The following RNF139 variants were observed in gnomAD, a reference collection of about 807,000 sequenced individuals.
RNF139 encodes the protein ring finger protein 139, also known as E3 ubiquitin-protein ligase RNF139.
A neutral mutation model predicts 49.5 loss-of-function variants in RNF139; 15 were observed. The ratio of observed to expected loss-of-function variants is 0.30; its 90% CI spans 0.20 to 0.47. RNF139 has a LOEUF of 0.47. RNF139 is among the 20% of genes least tolerant of loss of function. RNF139 has a pLI of 1.00. For synonymous variants in RNF139, 325 were observed against 300.9 expected, an observed-to-expected ratio of 1.08 and a Z score of -0.83; for missense variants, 619 against 806.3, an observed-to-expected ratio of 0.77 and a Z score of 2.81.
At chr8:124,479,567 C>T (rs754335237) in intron 1 of RNF139, among the ~76,000 whole-genome samples, 3 of 152,096 alleles carry the variant, frequency 2.0e-5, no homozygotes, top group East Asian at 1.9e-4. Context: ...TCTTTGTTTG[C>T]GGATGGGAGC....
At chr8:124,477,395 GC>G (rs1816331468) in intron 1 of RNF139, among the ~76,000 whole-genome samples, 1 of 152,156 alleles carries the variant, frequency 6.6e-6, no homozygotes, top group African/African-American at 2.4e-5. Context: ...TAATCGTTCT[GC>G]CTTGTTAGTT....
At chr8:124,477,117 A>G (rs962417003) in intron 1 of RNF139, among the ~76,000 whole-genome samples, 15 of 152,170 alleles carry the variant, frequency 9.9e-5, no homozygotes, top group African/African-American at 3.6e-4. Context: ...ATATTTTGTT[A>G]GATATTTTGG....
Position 124,487,493 on chromosome 8 carries a change from A to G in RNF139, c.1844A>G (p.Glu615Gly). Reference protein sequence around the residue: ...NGFIPPNETPEEAVREAAAES... With the variant: ...NGFIPPNETPGEAVREAAAES... The stretch of plus-strand genomic sequence containing the variant: ...TTTATTCCACCCAATGAAACTCCAG[A>G]GGAAGCTGTAAGAGAAGCTGCTGCT... The change falls in exon 2 of 2, where the codon GAG (glutamate) becomes GGG (glycine). Residue 615 changes from glutamate (E) to glycine (G), a missense_variant. By Grantham distance (98) the Glu-to-Gly change is moderately conservative. Coordinates refer to ENST00000303545, the MANE Select transcript of RNF139 (RefSeq NM_007218.4). 1 of 1,614,152 alleles carries G rather than the reference A, an allele frequency of 6.2e-7. No homozygotes were observed.
In RNF139 at chr8:124,486,556, C is replaced by T. The variant is rs1222453990; in HGVS notation, c.907C>T (p.His303Tyr). The T allele has an allele frequency of 3.1e-6, 5 of 1,613,998 alleles. No individual in the cohort carries two copies. Among genetic ancestry groups the T allele is most frequent in the Admixed American group, 1.7e-5 (1 of 60,000 alleles). The change falls in exon 2 of 2, where the codon CAT becomes TAT. Residue 303 changes from histidine to tyrosine, a missense_variant. Physicochemically the swap from His to Tyr is moderately conservative, Grantham distance 83. Coordinates refer to ENST00000303545, the MANE Select transcript of RNF139 (RefSeq NM_007218.4). ...GMSAVISSVA[H>Y]YLGLGILAFI... ...GAGTGCTGTAATTTCCTCAGTAGCC[C>T]ATTATTTGGGGCTTGGAATATTGGC...
Position 124,486,426 on chromosome 8 carries a change from G to A in RNF139, c.777G>A (p.Met259Ile). ...CAGTGTTAATGTACATCTTAAGGATGGCAAATGAAACTGATTCCTTCTTTA... is the reference window on the plus strand; with the variant it reads ...CAGTGTTAATGTACATCTTAAGGATAGCAAATGAAACTGATTCCTTCTTTA... The part of the protein sequence containing the change: ...QATVLMYILR[M>I]ANETDSFFIS... Residue 259 changes from methionine (M) to isoleucine (I), a missense_variant, in exon 2 of 2, where the codon ATG becomes ATA. Physicochemically the swap from Met to Ile is conservative, Grantham distance 10. Around this residue, in one of 2 missense-constraint regions of RNF139, gnomAD observed 530 missense variants for 728.9 expected, o/e 0.73. Transcript: ENST00000303545. 6.2e-7 allele frequency: 1 copy of A among 1,614,146 alleles called. No individual in the cohort carries two copies. Among genetic ancestry groups the A allele is most frequent in the South Asian group, 1.1e-5 (1 of 91,086 alleles).
At position 124,474,935 on chromosome 8, in the gene RNF139, G is replaced by A; in HGVS notation, c.-175G>A. ...CCTCTCGGCCATCGCTGCCTCCGCC[G>A]CCTGCTCCACCTCGAGGGACGCGAG... On this transcript the variant is annotated 5_prime_UTR_variant, in exon 1 of 2. Coordinates refer to ENST00000303545, the MANE Select transcript of RNF139 (RefSeq NM_007218.4). This position sits in a 1 kb window ranked among gnomAD's most constrained non-coding sequence, Gnocchi z 4.6. The A allele has an allele frequency of 2.7e-6, 1 of 368,534 alleles. No homozygotes were observed. The highest frequency in any genetic ancestry group is 4.6e-6 in the Non-Finnish European group (1 of 216,706). The allele number at this position is 368,534 out of a possible 1,614,324, so 22.8% of individuals were successfully genotyped here.
At chr8:124,481,910 GA>G in intron 1 of RNF139, among the ~76,000 whole-genome samples, 5 of 152,098 alleles carry the variant, frequency 3.3e-5, no homozygotes, top group Non-Finnish European at 7.4e-5. Context: ...TGTTACTTAG[GA>G]TATTGGTTTT....
At chr8:124,484,223 TGA>T in intron 1 of RNF139, among the ~76,000 whole-genome samples, 1 of 152,256 alleles carries the variant, frequency 6.6e-6, no homozygotes, top group East Asian at 1.9e-4. Flanking sequence ...TCTGGAGCAC[TGA>T]TGTGTGTGTG....
In RNF139 at chr8:124,475,033, CCGCCCCCGGCCG is replaced by C. The variant is rs1269375470; in HGVS notation, c.-74_-63del. ...GGGGCGGAGTTGCCCGCCTTAGCCC[CCGCCCCCGGCCG>C]CGGCCCCGGGCCCTGCCCCGCGCGG... On this transcript the variant is annotated 5_prime_UTR_variant, in exon 1 of 2. Coordinates refer to ENST00000303545, the MANE Select transcript of RNF139 (RefSeq NM_007218.4). 4 of 1,054,948 alleles carry C rather than the reference CCGCCCCCGGCCG, an allele frequency of 3.8e-6. No homozygotes were observed. The East Asian group carries it at 1.4e-4, about 38-fold the overall frequency. The allele number at this position is 1,054,948 out of a possible 1,614,324, so 65.3% of individuals were successfully genotyped here. A position where few individuals can be genotyped will look rare whatever the true frequency, so the allele number is the denominator to read the frequency against.
At chr8:124,484,311 A>G (rs1293229315) in intron 1 of RNF139, among the ~76,000 whole-genome samples, 2 of 152,204 alleles carry the variant, frequency 1.3e-5, no homozygotes, top group Non-Finnish European at 2.9e-5. Flanking sequence ...AGTTGATAGT[A>G]ATTTCAGAGC....
At chr8:124,485,461 T>C (rs1033825574) in intron 1 of RNF139, among the ~76,000 whole-genome samples, 1 of 152,252 alleles carries the variant, frequency 6.6e-6, no homozygotes, top group Non-Finnish European at 1.5e-5. Context: ...TTTTAATGAT[T>C]ATGAAATGAT....
rs1200918297 is a variant in RNF139, at chr8:124,475,119, G to T, written c.10G>T (p.Val4Leu). The change falls in exon 1 of 2, where the codon GTG becomes TTG. Residue 4 changes from valine to leucine, a missense_variant. This residue lies in a region of RNF139 where 89 missense variants were observed against 77.5 expected (regional missense o/e 1.15). Transcript: ENST00000303545. ...GGTGTGGCAGCGGCTCATGGCGGCC[G>T]TGGGGCCCCCGCAGCAGCAGGTGCG... is the stretch of plus-strand genomic sequence containing the variant. Reference protein sequence around the residue: MAAVGPPQQQVRMA... With the variant: MAALGPPQQQVRMA... The T allele has an allele frequency of 1.3e-6, 2 of 1,593,108 alleles. No homozygotes were observed. The highest frequency in any genetic ancestry group is 1.7e-5 in the Admixed American group (1 of 58,552).
chr8:124,486,490 A>T lies in RNF139; in HGVS notation c.841A>T (p.Ile281Leu). The T allele has an allele frequency of 6.2e-7, 1 of 1,614,154 alleles. No homozygotes were observed. The highest frequency in any genetic ancestry group is 8.5e-7 in the Non-Finnish European group (1 of 1,180,006). ...DDFWDLICNL[I>L]ISGCDSTLTV... ...TTTTTGGGACCTCATTTGCAATCTT[A>T]TAATTAGTGGGTGCGATTCTACACT... Residue 281 changes from isoleucine to leucine, a missense_variant, in exon 2 of 2, where the codon ATA (isoleucine) becomes TTA (leucine). Ile to Leu is a conservative substitution (Grantham distance 5). Transcript: ENST00000303545.
intron 1 of RNF139, among the ~76,000 whole-genome samples, chr8:124,478,207 A>G (rs190985813): frequency 7.2e-5 from 11 of 152,220 alleles, no homozygotes; most frequent in Admixed American, 7.2e-4. Context: ...AAGACAAGCA[A>G]TTCACAATAA....
In RNF139 at chr8:124,486,874, G is replaced by A; in HGVS notation, c.1225G>A (p.Val409Ile). The part of the protein sequence containing the change: ...LFILPVLLSY[V>I]LWHHYALNTW... ...TATTCTTCCTGTCTTACTCAGTTAT[G>A]TTCTTTGGCATCACTATGCACTAAA... is the stretch of plus-strand genomic sequence containing the variant. Residue 409 changes from valine (V) to isoleucine (I), a missense_variant, in exon 2 of 2, where the codon GTT (valine) becomes ATT (isoleucine). By Grantham distance (29) the Val-to-Ile change is conservative. Around this residue, in one of 2 missense-constraint regions of RNF139, gnomAD observed 530 missense variants for 728.9 expected, o/e 0.73. Coordinates refer to ENST00000303545, the MANE Select transcript of RNF139 (RefSeq NM_007218.4). 2.5e-6 allele frequency: 4 copies of A among 1,613,746 alleles called. No homozygotes were observed. Among genetic ancestry groups the A allele is most frequent in the Non-Finnish European group, 3.4e-6 (4 of 1,179,968 alleles).
chr8:124,478,352 C>A (rs1409400262), intron 1 of RNF139, among the ~76,000 whole-genome samples: 1 of 151,962 alleles, frequency 6.6e-6, no homozygotes, highest in Non-Finnish European at 1.5e-5. Flanking sequence ...TACGGTGGCT[C>A]ACGCCTATAA....
intron 1 of RNF139, among the ~76,000 whole-genome samples, chr8:124,477,082 C>T (rs1204117703): frequency 6.6e-6 from 1 of 152,094 alleles, no homozygotes; most frequent in Non-Finnish European, 1.5e-5. Context: ...GACAATAAAT[C>T]TATTTTAATG....
At chr8:124,484,767 C>A (rs1816501329) in intron 1 of RNF139, among the ~76,000 whole-genome samples, 1 of 152,142 alleles carries the variant, frequency 6.6e-6, no homozygotes, top group African/African-American at 2.4e-5. Context: ...AGGAGAATTA[C>A]CATTTTCTAA....
At chr8:124,483,367 C>T (rs1448309009) in intron 1 of RNF139, 1 of 151,264 alleles carries the variant, frequency 6.6e-6, no homozygotes, top group Admixed American at 6.6e-5. Context: ...AATGCGTCTA[C>T]TGTAATAATA....
Sources: gnomAD v4.1 joint callset for allele counts (sites outside exome capture counted in the v4.1 genomes callset) on GRCh38, gnomAD v4.1.1 for gene constraint, gnomAD v4.1.1 regional missense constraint, Gnocchi (gnomAD v3.1) non-coding constraint, MANE v1.5 for transcripts, NCBI Gene and HGNC (gene_info 2026-07-23, HGNC 2026-07-21) for gene names.